Variants in CDK14 observed in about 807,000 individuals in gnomAD.
CDK14 encodes the protein cyclin-dependent kinase 14.
Under a neutral mutation model 60.7 loss-of-function variants are expected in CDK14, and 34 were observed. The observed-to-expected ratio is 0.56, with a 90% confidence interval of 0.43 to 0.75. CDK14 has a LOEUF of 0.75. CDK14 is among the 30% of genes least tolerant of loss of function. CDK14 has a pLI of 0.00. For missense variants in CDK14, 482 were observed against 564.1 expected (o/e 0.85, Z 1.47); for synonymous variants, 197 against 203.7 (o/e 0.97, Z 0.28).
intron 2 of CDK14, among the ~76,000 whole-genome samples, chr7:90,678,381 C>G (rs1347992822): frequency 6.6e-6 from 1 of 152,148 alleles, no homozygotes; most frequent in Non-Finnish European, 1.5e-5. Flanking sequence ...GAGAATAAAC[C>G]TGACCCAAAG....
intron 2 of CDK14, among the ~76,000 whole-genome samples, chr7:90,640,332 ATAAT>A (rs984168979): frequency 3.3e-5 from 5 of 152,212 alleles, no homozygotes; most frequent in African/African-American, 9.6e-5. Context: ...ATTAATAATG[ATAAT>A]TAATCTAGAA....
intron 10 of CDK14, among the ~76,000 whole-genome samples, chr7:90,993,520 A>C (rs1795593384): frequency 6.6e-6 from 1 of 151,976 alleles, no homozygotes; most frequent in Non-Finnish European, 1.5e-5. Flanking sequence ...CTGAAAGAAG[A>C]AGGGGAAGGA....
At chr7:90,631,841 T>C (rs1325459657) in intron 2 of CDK14, 1 of 152,232 alleles carries the variant, frequency 6.6e-6, no homozygotes, top group African/African-American at 2.4e-5. Context: ...TAAATGGCAC[T>C]GGAAAAAGGT....
At chr7:90,957,398 G>A (rs577790653) in intron 9 of CDK14, among the ~76,000 whole-genome samples, 1 of 152,294 alleles carries the variant, frequency 6.6e-6, no homozygotes, top group Admixed American at 6.5e-5. Context: ...ATTAAGAAAA[G>A]AGGAAGTCAA....
At chr7:90,794,368 C>T (rs929373190) in intron 5 of CDK14, among the ~76,000 whole-genome samples, 4 of 152,064 alleles carry the variant, frequency 2.6e-5, no homozygotes, top group Admixed American at 6.6e-5. Flanking sequence ...ATTTATTAGG[C>T]GGGAATTTCC....
intron 4 of CDK14, among the ~76,000 whole-genome samples, chr7:90,756,523 A>G (rs1171406794): frequency 5.9e-5 from 9 of 152,200 alleles, no homozygotes; most frequent in Admixed American, 5.9e-4. Flanking sequence ...CCTCCTGGTC[A>G]CATGTAGTAC....
At chr7:91,185,875 A>G (rs1802162902) in intron 14 of CDK14, among the ~76,000 whole-genome samples, 1 of 152,062 alleles carries the variant, frequency 6.6e-6, no homozygotes, top group Non-Finnish European at 1.5e-5. Context: ...GAAGCTGCAT[A>G]TCCATTGGCT....
intron 4 of CDK14, among the ~76,000 whole-genome samples, chr7:90,774,743 T>G (rs1435893728): frequency 6.6e-6 from 1 of 152,198 alleles, no homozygotes; most frequent in Non-Finnish European, 1.5e-5. Context: ...AAAATTGTGG[T>G]TATAACTTAA....
chr7:90,639,342 T>G (rs1212878599), intron 2 of CDK14, among the ~76,000 whole-genome samples: 2 of 152,054 alleles, frequency 1.3e-5, no homozygotes, highest in Non-Finnish European at 2.9e-5. Context: ...GTTTTCCTTC[T>G]AACAGACAGG....
chr7:91,143,875 C>A (rs74813704), intron 14 of CDK14, among the ~76,000 whole-genome samples: 1 of 152,150 alleles, frequency 6.6e-6, no homozygotes, highest in Non-Finnish European at 1.5e-5. Flanking sequence ...AGACTGAGAC[C>A]TGAGCTGTTC....
intron 8 of CDK14, among the ~76,000 whole-genome samples, chr7:90,919,077 G>A (rs763859554): frequency 1.8e-4 from 27 of 152,202 alleles, no homozygotes; most frequent in East Asian, 3.9e-4. Context: ...AGTAGTGGGT[G>A]GAGGAGAGAA....
chr7:90,947,526 T>G (rs1203102000), intron 8 of CDK14, among the ~76,000 whole-genome samples: 1 of 152,240 alleles, frequency 6.6e-6, no homozygotes, highest in Non-Finnish European at 1.5e-5. Flanking sequence ...TTAAATGATA[T>G]AATACATTTA....
intron 14 of CDK14, among the ~76,000 whole-genome samples, chr7:91,139,948 G>GA (rs1447733581): frequency 2.0e-5 from 3 of 150,602 alleles, no homozygotes; most frequent in African/African-American, 7.3e-5. Flanking sequence ...TAATCCCATT[G>GA]AAAAAAACTC....
chr7:90,598,887 G>T (rs1799255347), intron 1 of CDK14, among the ~76,000 whole-genome samples: 1 of 150,488 alleles, frequency 6.6e-6, no homozygotes, highest in Non-Finnish European at 1.5e-5. Context: ...TGTATTTTTA[G>T]TAGAGACGGG....
intron 2 of CDK14, among the ~76,000 whole-genome samples, chr7:90,630,303 C>T (rs1038470709): frequency 2.0e-5 from 3 of 152,224 alleles, no homozygotes; most frequent in Admixed American, 6.5e-5. Context: ...GCCTATTGCA[C>T]ACCTAAGCTA....
At chr7:90,678,768 A>G (rs1261467291) in intron 2 of CDK14, among the ~76,000 whole-genome samples, 1 of 152,200 alleles carries the variant, frequency 6.6e-6, no homozygotes, top group Non-Finnish European at 1.5e-5. Context: ...CATCAGCACT[A>G]GCTATTATTT....
chr7:90,641,640 A>C (rs990127860), intron 2 of CDK14, among the ~76,000 whole-genome samples: 6 of 131,434 alleles, frequency 4.6e-5, no homozygotes, highest in African/African-American at 1.7e-4. Context: ...GGTGGGGAGG[A>C]GATGATGGGG....
chr7:91,141,430 C>T (rs559361758), intron 14 of CDK14, among the ~76,000 whole-genome samples: 2 of 152,150 alleles, frequency 1.3e-5, no homozygotes, highest in African/African-American at 2.4e-5. Context: ...GGTGTCCTTT[C>T]GTTTAGGTTG....
intron 5 of CDK14, among the ~76,000 whole-genome samples, chr7:90,810,001 C>A (rs768417494): frequency 6.6e-6 from 1 of 152,240 alleles, no homozygotes; most frequent in South Asian, 2.1e-4. Flanking sequence ...CAAAAAAAGT[C>A]CAGGACCAGA....
Sources: allele counts gnomAD v4.1 joint callset (sites outside exome capture counted in the v4.1 genomes callset), GRCh38; gene constraint gnomAD v4.1.1; transcripts MANE v1.5; gene names NCBI Gene and HGNC (gene_info 2026-07-23, HGNC 2026-07-21).